The following ROBO1 variants were observed in gnomAD, a reference collection of about 807,000 sequenced individuals.
The protein encoded by ROBO1 is roundabout homolog 1.
A neutral mutation model predicts 195.9 loss-of-function variants in ROBO1; 149 were observed. The observed-to-expected ratio is 0.76, with a 90% CI of 0.67 to 0.87. The LOEUF (loss-of-function observed/expected upper bound fraction) is 0.87, where lower values mean the gene tolerates loss of function less well. Ranked by LOEUF, ROBO1 falls within the 40% of genes least tolerant of loss-of-function variation. ROBO1 has a pLI of 0.00. For synonymous variants in ROBO1, 816 were observed against 733.2 expected (o/e 1.11, Z -1.82); for missense variants, 1,933 against 2,068.3 (o/e 0.93, Z 1.27).
Position 79,056,302 on chromosome 3 carries a change from C to T in ROBO1, c.172+69154G>A, listed in dbSNP as rs139740149. 3.0e-3 allele frequency among the ~76,000 whole-genome samples: 453 copies of T among 152,186 alleles called. 3 individuals are homozygous for T. The highest frequency in any genetic ancestry group is 9.9e-3 in the African/African-American group (413 of 41,552). ...TGTTGGACAAGTGCTTTCACCAGTT[C>T]GAGCCCAATTTCCCCAGGCCTATAT... On this transcript the variant is annotated intron_variant, in intron 3 of 30. Transcript: ENST00000464233.
chr3:79,084,243 A>G (rs1576654301), intron 3 of ROBO1, among the ~76,000 whole-genome samples: 2 of 152,296 alleles, frequency 1.3e-5, no homozygotes, highest in East Asian at 3.9e-4. Context: ...TCACGCCTGT[A>G]ATCCCAGCAC....
At chr3:79,031,623 A>G (rs1274574054) in intron 3 of ROBO1, among the ~76,000 whole-genome samples, 1 of 152,214 alleles carries the variant, frequency 6.6e-6, no homozygotes, top group Admixed American at 6.5e-5. Context: ...TTAAGTGAAG[A>G]GCATAATAGT....
chr3:79,338,076 T>G (rs1157037295), intron 2 of ROBO1, among the ~76,000 whole-genome samples: 1 of 152,202 alleles, frequency 6.6e-6, no homozygotes, highest in Non-Finnish European at 1.5e-5. Context: ...TTATTTTTGG[T>G]TGCCTTCAAT....
chr3:79,552,212 C>T (rs1192204606), intron 2 of ROBO1, among the ~76,000 whole-genome samples: 1 of 151,868 alleles, frequency 6.6e-6, no homozygotes, highest in Non-Finnish European at 1.5e-5. Context: ...CTGTCAAATA[C>T]GCTTGGACAA....
intron 2 of ROBO1, among the ~76,000 whole-genome samples, chr3:79,356,174 C>G (rs1194898494): frequency 6.6e-6 from 1 of 152,034 alleles, no homozygotes; most frequent in Non-Finnish European, 1.5e-5. Flanking sequence ...AACTCTTTCT[C>G]TAATAAAAAT....
intron 2 of ROBO1, among the ~76,000 whole-genome samples, chr3:79,207,515 A>G (rs2081891722): frequency 6.6e-6 from 1 of 152,130 alleles, no homozygotes; most frequent in South Asian, 2.1e-4. Flanking sequence ...TTTCTTCCAA[A>G]AAGTTGAGAT....
Position 79,476,439 on chromosome 3 carries a change from C to T in ROBO1, c.88+113385G>A, listed in dbSNP as rs1010381665. 9.2e-5 allele frequency among the ~76,000 whole-genome samples: 14 copies of T among 152,090 alleles called. No homozygotes were observed. The South Asian group carries it at 1.0e-3, about 11-fold the overall frequency. On this transcript the variant is annotated intron_variant, in intron 2 of 30. Transcript: ENST00000464233. ...ACTCAGAGGAAAAGAAGTCATTATG[C>T]GAAAAAGATACTTGCACACGCATGT...
intron 3 of ROBO1, among the ~76,000 whole-genome samples, chr3:78,991,800 A>C (rs1419926739): frequency 6.6e-6 from 1 of 152,212 alleles, no homozygotes; most frequent in Non-Finnish European, 1.5e-5. Context: ...AAGCAGCAGG[A>C]TGAGATGGAA....
At chr3:79,043,623 G>GAAA (rs923077311) in intron 3 of ROBO1, among the ~76,000 whole-genome samples, 7 of 151,828 alleles carry the variant, frequency 4.6e-5, no homozygotes, top group Non-Finnish European at 8.8e-5. Flanking sequence ...GATTTAAGGG[G>GAAA]AAAAATATTG....
intron 1 of ROBO1, among the ~76,000 whole-genome samples, chr3:79,702,503 A>C (rs1335165243): frequency 6.6e-6 from 1 of 151,940 alleles, no homozygotes; most frequent in Non-Finnish European, 1.5e-5. Context: ...AGTTCACAAC[A>C]GCATACCTGC....
intron 4 of ROBO1, among the ~76,000 whole-genome samples, chr3:78,762,063 T>C (rs1431911766): frequency 1.3e-5 from 2 of 152,086 alleles, no homozygotes; most frequent in Non-Finnish European, 2.9e-5. Context: ...AATGGGAATT[T>C]AACAATAATA....
intron 4 of ROBO1, among the ~76,000 whole-genome samples, chr3:78,899,780 T>C (rs2107460591): frequency 6.6e-6 from 1 of 152,284 alleles, no homozygotes; most frequent in African/African-American, 2.4e-5. Context: ...GCGATGGTTT[T>C]CCTTAAAAAT....
chr3:79,033,569 G>C (rs990706056), intron 3 of ROBO1, among the ~76,000 whole-genome samples: 5 of 152,066 alleles, frequency 3.3e-5, no homozygotes, highest in African/African-American at 1.2e-4. Flanking sequence ...ACCACTACAT[G>C]CTGCTTTAAT....
chr3:78,897,471 G>GA (rs2037306494), intron 4 of ROBO1, among the ~76,000 whole-genome samples: 1 of 152,088 alleles, frequency 6.6e-6, no homozygotes, highest in Non-Finnish European at 1.5e-5. Flanking sequence ...TCATTCGGTA[G>GA]ATATGTTCAT....
At chr3:79,308,828 T>C (rs1004615746) in intron 2 of ROBO1, among the ~76,000 whole-genome samples, 1 of 152,230 alleles carries the variant, frequency 6.6e-6, no homozygotes, top group African/African-American at 2.4e-5. Context: ...TATTTCATGC[T>C]ATCCTGCATT....
At chr3:79,486,730 G>T (rs1158271997) in intron 2 of ROBO1, among the ~76,000 whole-genome samples, 1 of 152,122 alleles carries the variant, frequency 6.6e-6, no homozygotes, top group Non-Finnish European at 1.5e-5. Context: ...AGCAGAATAT[G>T]CCACCCCAAA....
At chr3:78,846,440 T>G (rs559712973) in intron 4 of ROBO1, among the ~76,000 whole-genome samples, 1 of 152,134 alleles carries the variant, frequency 6.6e-6, no homozygotes, top group Admixed American at 6.6e-5. Context: ...CTCTTAGACA[T>G]TTCCCTGTGA....
At chr3:79,300,916 G>A (rs1161950847) in intron 2 of ROBO1, among the ~76,000 whole-genome samples, 5 of 152,076 alleles carry the variant, frequency 3.3e-5, no homozygotes, top group Admixed American at 1.3e-4. Context: ...GAACCTTTGT[G>A]TCTAGCTCAG....
intron 11 of ROBO1, 28 bp from the exon 12 acceptor site, chr3:78,668,593 T>C: frequency 6.2e-7 from 1 of 1,609,410 alleles, no homozygotes; most frequent in Non-Finnish European, 8.5e-7. Flanking sequence ...AAATAAATAT[T>C]TGGAAAAATC....
Sources: allele counts gnomAD v4.1 joint callset (sites outside exome capture counted in the v4.1 genomes callset), GRCh38; gene constraint gnomAD v4.1.1; transcripts MANE v1.5; gene names NCBI Gene and HGNC (gene_info 2026-07-23, HGNC 2026-07-21).